AKAP13: variants seen among roughly 807,000 people sequenced by gnomAD.
The protein encoded by AKAP13 is A-kinase anchoring protein 13, also known as A-kinase anchor protein 13.
A neutral mutation model predicts 264.5 loss-of-function variants in AKAP13; 80 were observed. The observed-to-expected ratio is 0.30, with a 90% CI of 0.25 to 0.36. The LOEUF (loss-of-function observed/expected upper bound fraction) is 0.36, where lower values mean the gene tolerates loss of function less well. AKAP13 is among the 10% of genes least tolerant of loss of function. The pLI, the probability that AKAP13 is intolerant of heterozygous loss-of-function variation, is 1.00. For synonymous variants in AKAP13, 1,380 were observed against 1,250.2 expected, an observed-to-expected ratio of 1.10 and a Z score of -2.19; for missense variants, 3,712 against 3,435.2, an observed-to-expected ratio of 1.08 and a Z score of -2.01.
intron 3 of AKAP13, 35 bp downstream of exon 3, chr15:85,521,610 C>T (rs2076825401): frequency 1.2e-6 from 2 of 1,606,372 alleles, no homozygotes; most frequent in Admixed American, 1.7e-5. Flanking sequence ...CTAGCTTTTC[C>T]TAGTTCTTAA....
Position 85,726,296 on chromosome 15 carries a change from C to T in AKAP13, c.6746-114C>T. 4 of 677,720 alleles carry T rather than the reference C, an allele frequency of 5.9e-6. No homozygotes were observed. In the South Asian group the frequency reaches 9.0e-5, roughly 15 times the overall value. The allele number at this position is 677,720 out of a possible 1,614,324, so 42.0% of individuals were successfully genotyped here. A position where few individuals can be genotyped will look rare whatever the true frequency, so the allele number is the denominator to read the frequency against. On this transcript the variant is annotated intron_variant, in intron 26 of 36. Transcript: ENST00000394518. ...AGTGTGATCTCAGATCATAGTTTGC[C>T]CGTATAGGGGTGTATGTGTTGCTGA...
chr15:85,401,949 T>G (rs1256461395), intron 1 of AKAP13, among the ~76,000 whole-genome samples: 1 of 152,250 alleles, frequency 6.6e-6, no homozygotes, highest in Non-Finnish European at 1.5e-5. Context: ...TAAATTCTGA[T>G]GTAAAACATT....
At chr15:85,423,912 C>A (rs992697647) in intron 1 of AKAP13, among the ~76,000 whole-genome samples, 2 of 152,230 alleles carry the variant, frequency 1.3e-5, no homozygotes, top group African/African-American at 2.4e-5. Context: ...TCCATCATAG[C>A]TCTTGGGTGA....
intron 7 of AKAP13, chr15:85,583,013 C>T (rs941266610): frequency 5.1e-5 from 50 of 985,270 alleles, no homozygotes; most frequent in Middle Eastern, 1.0e-3. Flanking sequence ...AACTTCTTAA[C>T]GGGGGTTGAG....
intron 2 of AKAP13, among the ~76,000 whole-genome samples, chr15:85,516,797 T>C (rs139295590): frequency 2.6e-5 from 4 of 152,246 alleles, no homozygotes; most frequent in Admixed American, 6.5e-5. Context: ...CCACACCACA[T>C]TACGAATACA....
chr15:85,555,035 C>A (rs1183294270), intron 5 of AKAP13, among the ~76,000 whole-genome samples: 6 of 151,702 alleles, frequency 4.0e-5, no homozygotes, highest in Non-Finnish European at 7.4e-5. Flanking sequence ...TCCCTCCCCC[C>A]CAAAAAAAGG....
intron 10 of AKAP13, among the ~76,000 whole-genome samples, chr15:85,647,268 C>T (rs773735309): frequency 8.5e-5 from 13 of 152,058 alleles, no homozygotes; most frequent in Non-Finnish European, 1.6e-4. Flanking sequence ...CATGGTGGCG[C>T]GTGCCTGTAA....
At chr15:85,677,817 T>C (rs2084331934) in intron 14 of AKAP13, among the ~76,000 whole-genome samples, 1 of 152,034 alleles carries the variant, frequency 6.6e-6, no homozygotes, top group Admixed American at 6.5e-5. Context: ...CAGCTAATTT[T>C]TTTTGTATTT....
At chr15:85,389,626 T>C (rs1257179157) in intron 1 of AKAP13, among the ~76,000 whole-genome samples, 1 of 152,212 alleles carries the variant, frequency 6.6e-6, no homozygotes, top group East Asian at 1.9e-4. Flanking sequence ...GGGGTATAAA[T>C]AACAAAGAAG....
chr15:85,627,883 C>T lies in AKAP13; in HGVS notation c.4162-11491C>T, dbSNP rs146848779. 6.3e-3 allele frequency among the ~76,000 whole-genome samples: 960 copies of T among 152,280 alleles called. 10 individuals are homozygous for T. The highest frequency in any genetic ancestry group is 0.022 in the African/African-American group (903 of 41,558). ...CTAACTGCTTTGCTCATGCTTTTTTCGTATAGCTAGAATTCCCTGCCTTAC... is the reference window on the plus strand; with the variant it reads ...CTAACTGCTTTGCTCATGCTTTTTTTGTATAGCTAGAATTCCCTGCCTTAC... On this transcript the variant is annotated intron_variant, in intron 8 of 36. Transcript: ENST00000394518.
intron 8 of AKAP13, among the ~76,000 whole-genome samples, chr15:85,607,227 G>A (rs1555449825): frequency 6.6e-6 from 1 of 152,054 alleles, no homozygotes; most frequent in Non-Finnish European, 1.5e-5. Context: ...CAGATAATCA[G>A]AAGACTTCAC....
In AKAP13 at chr15:85,655,759, G is replaced by C; in HGVS notation, c.4717G>C (p.Ala1573Pro). The C allele has an allele frequency of 6.2e-7, 1 of 1,610,946 alleles. No individual in the cohort carries two copies. Among genetic ancestry groups the C allele is most frequent in the Middle Eastern group, 1.7e-4 (1 of 6,002 alleles). Reference protein sequence around the residue: ...RHSWGPGKNAASDAEMNHRSS... With the variant: ...RHSWGPGKNAPSDAEMNHRSS... ...CAGCTGGGGGCCTGGGAAAAATGCA[G>C]CCAGCGATGCAGAAATGAACCACCG... Residue 1573 changes from alanine to proline, a missense_variant, in exon 11 of 37, where the codon GCC becomes CCC. Coordinates refer to ENST00000394518, the MANE Select transcript of AKAP13 (RefSeq NM_007200.5).
intron 1 of AKAP13, among the ~76,000 whole-genome samples, chr15:85,432,137 A>G (rs1399708051): frequency 2.0e-5 from 3 of 152,144 alleles, no homozygotes; most frequent in African/African-American, 7.2e-5. Flanking sequence ...TCTAAGAACA[A>G]TGGAAAATAG....
At chr15:85,549,289 T>TA (rs2077868531) in intron 5 of AKAP13, among the ~76,000 whole-genome samples, 1 of 152,194 alleles carries the variant, frequency 6.6e-6, no homozygotes, top group African/African-American at 2.4e-5. Context: ...TCTAGATGGA[T>TA]AAAAAATCAT....
intron 29 of AKAP13, among the ~76,000 whole-genome samples, chr15:85,728,793 T>G (rs542231245): frequency 6.6e-6 from 1 of 152,194 alleles, no homozygotes; most frequent in Non-Finnish European, 1.5e-5. Context: ...GATGGGATCT[T>G]AAGCTGGAAA....
At chr15:85,409,850 C>T (rs956962367) in intron 1 of AKAP13, among the ~76,000 whole-genome samples, 11 of 151,396 alleles carry the variant, frequency 7.3e-5, no homozygotes, top group African/African-American at 2.2e-4. Context: ...CCAGGATGGT[C>T]TCTATATCCT....
intron 14 of AKAP13, among the ~76,000 whole-genome samples, chr15:85,679,985 T>C (rs2084497122): frequency 1.3e-5 from 2 of 152,162 alleles, no homozygotes; most frequent in Admixed American, 1.3e-4. Context: ...TAACTAAAAT[T>C]TTTAGCAGTG....
chr15:85,650,717 C>T (rs959863943), intron 10 of AKAP13, among the ~76,000 whole-genome samples: 13 of 114,206 alleles, frequency 1.1e-4, no homozygotes, highest in Admixed American at 2.5e-4. Flanking sequence ...GATTGTGCCA[C>T]CATACTCCAG....
At chr15:85,675,690 G>A (rs2084188581) in intron 14 of AKAP13, among the ~76,000 whole-genome samples, 1 of 152,150 alleles carries the variant, frequency 6.6e-6, no homozygotes, top group Non-Finnish European at 1.5e-5. Flanking sequence ...CAGACCTAAG[G>A]GGTCAGAAGG....
Sources: gnomAD v4.1 joint callset for allele counts (sites outside exome capture counted in the v4.1 genomes callset) on GRCh38, gnomAD v4.1.1 for gene constraint, MANE v1.5 for transcripts, NCBI Gene and HGNC (gene_info 2026-07-23, HGNC 2026-07-21) for gene names.